LMBR1: variants seen among roughly 807,000 people sequenced by gnomAD.
LMBR1 encodes limb region 1 protein homolog.
Under a neutral mutation model 73.9 loss-of-function variants are expected in LMBR1, and 52 were observed. That is an observed-to-expected ratio of 0.70 (90% CI 0.56 to 0.89). The LOEUF is 0.89. Among genes scored for constraint, LMBR1 ranks in the 40% least tolerant of loss-of-function variants. The probability of loss-of-function intolerance (pLI) is 0.00; values close to 1 mark genes in which losing one functional copy is unlikely to be tolerated. For missense variants in LMBR1, 539 were observed against 579.8 expected (o/e 0.93, Z 0.72); for synonymous variants, 215 against 209.4 (o/e 1.03, Z -0.23).
At chr7:156,806,999 A>T (rs1832252320) in intron 4 of LMBR1, among the ~76,000 whole-genome samples, 1 of 151,910 alleles carries the variant, frequency 6.6e-6, no homozygotes, top group African/African-American at 2.4e-5. Flanking sequence ...ATTTTGTCAT[A>T]TGCTTTTTCT....
intron 5 of LMBR1, among the ~76,000 whole-genome samples, chr7:156,768,243 GC>G (rs1824496303): frequency 6.6e-6 from 1 of 152,020 alleles, no homozygotes. Flanking sequence ...TGTAATCCCA[GC>G]TACTTGGGAG....
intron 10 of LMBR1, among the ~76,000 whole-genome samples, chr7:156,729,067 C>T (rs1017592944): frequency 2.6e-5 from 4 of 152,038 alleles, no homozygotes; most frequent in Non-Finnish European, 5.9e-5. Flanking sequence ...TGGTCTTGAA[C>T]TCCTGGGCTC....
intron 5 of LMBR1, among the ~76,000 whole-genome samples, chr7:156,769,830 C>G (rs745654335): frequency 6.6e-5 from 10 of 152,224 alleles, no homozygotes; most frequent in Admixed American, 5.2e-4. Flanking sequence ...ATAAGCCAGG[C>G]TGCTCTGTGG....
intron 1 of LMBR1, among the ~76,000 whole-genome samples, chr7:156,891,369 A>C (rs1394676311): frequency 6.6e-6 from 1 of 151,900 alleles, no homozygotes; most frequent in Non-Finnish European, 1.5e-5. Flanking sequence ...CTATAGTCAC[A>C]CAACTACTGC....
Position 156,688,058 on chromosome 7 carries a change from T to G in LMBR1, c.1359A>C (p.Ala453=). Reference sequence around the variant, plus strand: ...GGGCCTTGAAAAGTTCTTCTCGAACTGCAGAGGTGAATTTTCGGACCAGAC... The same window carrying G: ...GGGCCTTGAAAAGTTCTTCTCGAACGGCAGAGGTGAATTTTCGGACCAGAC... ...TLCLVRKFTS[A]VREELFKALG... Residue 453 remains alanine (A), a synonymous_variant, in exon 16 of 17, where the codon GCA becomes GCC. Coordinates refer to ENST00000353442, the MANE Select transcript of LMBR1 (RefSeq NM_022458.4). The G allele has an allele frequency of 1.9e-6, 3 of 1,611,012 alleles. No individual in the cohort carries two copies. Among genetic ancestry groups the G allele is most frequent in the Non-Finnish European group, 2.5e-6 (3 of 1,179,108 alleles).
At chr7:156,807,273 T>C (rs1832310461) in intron 4 of LMBR1, among the ~76,000 whole-genome samples, 1 of 152,218 alleles carries the variant, frequency 6.6e-6, no homozygotes, top group African/African-American at 2.4e-5. Flanking sequence ...ACATCTTCAA[T>C]TTTCTAGAAG....
chr7:156,675,654 C>G (rs557440504), downstream of LMBR1: 3 of 1,575,786 alleles, frequency 1.9e-6, no homozygotes, highest in Non-Finnish European at 2.6e-6. Flanking sequence ...CAACCTCCAC[C>G]GAGCTCAGGT....
At chr7:156,882,721 A>G (rs903353114) in intron 1 of LMBR1, among the ~76,000 whole-genome samples, 2 of 151,570 alleles carry the variant, frequency 1.3e-5, no homozygotes, top group African/African-American at 4.9e-5. Context: ...ATAATCAACA[A>G]TATAATTGCA....
At chr7:156,825,124 A>ATTT (rs34817480) in intron 4 of LMBR1, among the ~76,000 whole-genome samples, 64,261 of 151,754 alleles carry the variant, frequency 0.42, 13,866 homozygotes, top group East Asian at 0.6. Flanking sequence ...TCTGATATAT[A>ATTT]TTTAAGTCAA....
At chr7:156,734,098 C>T in intron 10 of LMBR1, 79 bp downstream of exon 10, 1 of 787,366 alleles carries the variant, frequency 1.3e-6, no homozygotes, top group Non-Finnish European at 2.0e-6. Flanking sequence ...CATAAATTTT[C>T]TAATATTTCA....
At chr7:156,875,430 C>T (rs1163130627) in intron 1 of LMBR1, among the ~76,000 whole-genome samples, 2 of 152,106 alleles carry the variant, frequency 1.3e-5, no homozygotes, top group Admixed American at 6.5e-5. Context: ...CCGGGCCTTG[C>T]TAGAGACCTA....
Position 156,845,480 on chromosome 7 carries a change from G to T in LMBR1, c.67-8595C>A, listed in dbSNP as rs6977065. On this transcript the variant is annotated intron_variant, in intron 1 of 16. Transcript: ENST00000353442. The stretch of plus-strand genomic sequence containing the variant: ...CAAAAATAGTTATGAAGATAATAAT[G>T]TAATAAAGATGAGACATATTTAAAT... Among the ~76,000 whole-genome samples the T allele has an allele frequency of 3.8e-3, 584 of 152,160 alleles. 6 individuals carry two copies. Among genetic ancestry groups the T allele is most frequent in the African/African-American group, 0.014 (560 of 41,466 alleles).
intron 4 of LMBR1, among the ~76,000 whole-genome samples, chr7:156,805,526 G>C (rs1831878880): frequency 6.6e-6 from 1 of 152,096 alleles, no homozygotes; most frequent in African/African-American, 2.4e-5. Flanking sequence ...ACACCACACA[G>C]TCTTGATTAC....
intron 6 of LMBR1, 59 bp downstream of exon 6, chr7:156,763,610 A>G: frequency 6.8e-7 from 1 of 1,466,238 alleles, no homozygotes; most frequent in Non-Finnish European, 9.1e-7. Flanking sequence ...TGAGTGTGTA[A>G]TTATATCCCA....
intron 15 of LMBR1, among the ~76,000 whole-genome samples, chr7:156,693,652 T>C (rs1807690646): frequency 6.6e-6 from 1 of 152,156 alleles, no homozygotes; most frequent in South Asian, 2.1e-4. Flanking sequence ...TAATCAAAAC[T>C]TTCCAGCAAA....
intron 5 of LMBR1, among the ~76,000 whole-genome samples, chr7:156,783,285 C>T (rs1827474052): frequency 6.6e-6 from 1 of 152,116 alleles, no homozygotes; most frequent in Non-Finnish European, 1.5e-5. Flanking sequence ...AATCCTCCCA[C>T]CTTTGCCTCC....
Position 156,734,262 on chromosome 7 carries a change from T to C in LMBR1, c.758-5A>G. On this transcript the variant is annotated splice_polypyrimidine_tract_variant and splice_region_variant and intron_variant, in intron 9 of 16. Coordinates refer to ENST00000353442, the MANE Select transcript of LMBR1 (RefSeq NM_022458.4). ...ATTCCACCGATGAAGACAGCCCTGT[T>C]CAAAGCAAAAAATATTTAGAAGTAA... The C allele has an allele frequency of 1.3e-6, 2 of 1,585,548 alleles. No homozygotes were observed. Among genetic ancestry groups the C allele is most frequent in the Non-Finnish European group, 1.7e-6 (2 of 1,169,272 alleles).
At chr7:156,771,321 T>TAG (rs1439550929) in intron 5 of LMBR1, among the ~76,000 whole-genome samples, 1 of 152,048 alleles carries the variant, frequency 6.6e-6, no homozygotes, top group South Asian at 2.1e-4. Context: ...ATAAGGTAGA[T>TAG]AGACTGCTAG....
At chr7:156,740,132 A>C (rs1270702084) in intron 9 of LMBR1, among the ~76,000 whole-genome samples, 3 of 152,148 alleles carry the variant, frequency 2.0e-5, no homozygotes, top group Admixed American at 6.5e-5. Context: ...CAGTCTCTTA[A>C]TAGCAGAACT....
Sources: allele counts gnomAD v4.1 joint callset (sites outside exome capture counted in the v4.1 genomes callset), GRCh38; gene constraint gnomAD v4.1.1; transcripts MANE v1.5; gene names NCBI Gene and HGNC (gene_info 2026-07-23, HGNC 2026-07-21).